Variants in NPSR1 observed in about 807,000 individuals in gnomAD.
The protein encoded by NPSR1 is neuropeptide S receptor 1.
In NPSR1, 48 loss-of-function variants were observed where a neutral mutation model predicts 46.9. That is an observed-to-expected ratio of 1.02 (90% CI 0.81 to 1.30). The LOEUF (loss-of-function observed/expected upper bound fraction) is 1.30. NPSR1 is among the 50% of genes most tolerant of loss of function. The probability of loss-of-function intolerance (pLI) is 0.00; values close to 1 mark genes in which losing one functional copy is unlikely to be tolerated. For synonymous variants in NPSR1, 176 were observed against 168.1 expected, an observed-to-expected ratio of 1.05 and a Z score of -0.36; for missense variants, 450 against 449.5, an observed-to-expected ratio of 1.00 and a Z score of -0.01.
intron 8 of NPSR1, among the ~76,000 whole-genome samples, chr7:34,869,411 C>T (rs1791397659): frequency 6.6e-6 from 1 of 151,762 alleles, no homozygotes; most frequent in East Asian, 1.9e-4. Flanking sequence ...TTTCTCCGTT[C>T]CCACACACCC....
At chr7:34,664,386 A>C (rs538699975) in intron 1 of NPSR1, among the ~76,000 whole-genome samples, 1 of 152,308 alleles carries the variant, frequency 6.6e-6, no homozygotes, top group African/African-American at 2.4e-5. Flanking sequence ...AAGAACAGCA[A>C]GCGGCCCCCA....
chr7:34,827,512 G>T lies in NPSR1; in HGVS notation c.590G>T (p.Cys197Phe), dbSNP rs34705969. ...ACACTGTCCAACGGTGAAGTGCAGTGCTGGGCCCTGTGGCCTGACGACTCC... is the reference window on the plus strand; with the variant it reads ...ACACTGTCCAACGGTGAAGTGCAGTTCTGGGCCCTGTGGCCTGACGACTCC... ...KRTLSNGEVQ[C>F]WALWPDDSYW... Residue 197 changes from cysteine to phenylalanine, a missense_variant, in exon 5 of 9, where the codon TGC (cysteine) becomes TTC (phenylalanine). Transcript: ENST00000360581. The T allele has an allele frequency of 0.026, 41,385 of 1,614,036 alleles. 631 individuals carry two copies. Among genetic ancestry groups the T allele is most frequent in the Non-Finnish European group, 0.03 (35,836 of 1,179,962 alleles).
At chr7:34,686,755 T>C (rs1792948007) in intron 2 of NPSR1, among the ~76,000 whole-genome samples, 1 of 152,132 alleles carries the variant, frequency 6.6e-6, no homozygotes, top group Admixed American at 6.5e-5. Flanking sequence ...TTATTTTCTT[T>C]AAAATCATCC....
intron 2 of NPSR1, among the ~76,000 whole-genome samples, chr7:34,762,211 G>A (rs1786210105): frequency 6.6e-6 from 1 of 152,168 alleles, no homozygotes; most frequent in African/African-American, 2.4e-5. Flanking sequence ...TGAAGAGAGT[G>A]CTCTAATGAG....
At chr7:34,861,009 CTGTT>C (rs949779304) in intron 8 of NPSR1, among the ~76,000 whole-genome samples, 6 of 151,910 alleles carry the variant, frequency 3.9e-5, no homozygotes, top group Non-Finnish European at 8.8e-5. Context: ...AGCTAAGGGA[CTGTT>C]TGTATCCATT....
chr7:34,863,059 G>T (rs1174174797), intron 8 of NPSR1, among the ~76,000 whole-genome samples: 1 of 151,682 alleles, frequency 6.6e-6, no homozygotes, highest in Non-Finnish European at 1.5e-5. Context: ...ACAGAACAGA[G>T]GCCTCAGAAA....
chr7:34,715,163 C>T (rs560636391), intron 2 of NPSR1, among the ~76,000 whole-genome samples: 4 of 152,294 alleles, frequency 2.6e-5, no homozygotes, highest in East Asian at 1.9e-4. Context: ...AGAGATATGA[C>T]GGCCTCATAA....
intron 1 of NPSR1, among the ~76,000 whole-genome samples, chr7:34,668,711 A>C (rs546740436): frequency 6.6e-6 from 1 of 152,340 alleles, no homozygotes; most frequent in African/African-American, 2.4e-5. Context: ...TGGAAGCCCC[A>C]TGTCAACAAA....
chr7:34,784,551 A>T (rs1159006305), intron 3 of NPSR1, among the ~76,000 whole-genome samples: 2 of 152,138 alleles, frequency 1.3e-5, no homozygotes, highest in Admixed American at 6.5e-5. Flanking sequence ...ATCATGGTGG[A>T]TAAGCTTTTT....
At chr7:34,772,692 G>A (rs1289201490) in intron 2 of NPSR1, among the ~76,000 whole-genome samples, 2 of 152,116 alleles carry the variant, frequency 1.3e-5, no homozygotes, top group African/African-American at 4.8e-5. Flanking sequence ...GCACCCTAGA[G>A]CATAAATAAT....
At chr7:34,812,253 C>G (rs73093081) in intron 4 of NPSR1, among the ~76,000 whole-genome samples, 1 of 152,196 alleles carries the variant, frequency 6.6e-6, no homozygotes, top group Non-Finnish European at 1.5e-5. Context: ...TTTCCAGAAA[C>G]AAACACCTTG....
chr7:34,782,946 A>T (rs993572591), intron 3 of NPSR1, among the ~76,000 whole-genome samples: 3 of 152,180 alleles, frequency 2.0e-5, no homozygotes, highest in Admixed American at 6.5e-5. Context: ...ATTATTTTTT[A>T]ATTAAATAGA....
chr7:34,851,561 C>T (rs1790935675), downstream of NPSR1, among the ~76,000 whole-genome samples: 1 of 152,100 alleles, frequency 6.6e-6, no homozygotes, highest in African/African-American at 2.4e-5. Context: ...CACTTTAAAT[C>T]AAGATGTGCC....
chr7:34,805,855 A>G (rs1321673427), intron 3 of NPSR1, among the ~76,000 whole-genome samples: 1 of 152,042 alleles, frequency 6.6e-6, no homozygotes, highest in African/African-American at 2.4e-5. Flanking sequence ...AAAACAACTC[A>G]TTTCAAAAAC....
At chr7:34,690,074 A>T (rs891265005) in intron 2 of NPSR1, among the ~76,000 whole-genome samples, 7 of 152,140 alleles carry the variant, frequency 4.6e-5, no homozygotes, top group Admixed American at 4.6e-4. Flanking sequence ...GAGCCTCCTC[A>T]CATACCCAGT....
At chr7:34,854,134 T>C (rs1052740377), downstream of NPSR1, among the ~76,000 whole-genome samples, 16 of 152,120 alleles carry the variant, frequency 1.1e-4, no homozygotes, top group Non-Finnish European at 1.3e-4. Context: ...AATTTCAGGG[T>C]CATCACTAAA....
chr7:34,714,265 T>C (rs1783444421), intron 2 of NPSR1, among the ~76,000 whole-genome samples: 1 of 152,232 alleles, frequency 6.6e-6, no homozygotes, highest in Admixed American at 6.5e-5. Flanking sequence ...TTATGAAATG[T>C]CCATTCTGCC....
At chr7:34,868,313 C>A (rs1055924351) in intron 8 of NPSR1, among the ~76,000 whole-genome samples, 1 of 151,656 alleles carries the variant, frequency 6.6e-6, no homozygotes, top group Admixed American at 6.6e-5. Flanking sequence ...CTGCACCACA[C>A]AACACTCTGT....
At chr7:34,725,598 G>A (rs1430201257) in intron 2 of NPSR1, among the ~76,000 whole-genome samples, 16 of 152,318 alleles carry the variant, frequency 1.1e-4, no homozygotes, top group African/African-American at 3.8e-4. Context: ...AGAACATAGT[G>A]AGGTCCCCAG....
Sources: gnomAD v4.1 joint callset for allele counts (sites outside exome capture counted in the v4.1 genomes callset) on GRCh38, gnomAD v4.1.1 for gene constraint, MANE v1.5 for transcripts, NCBI Gene and HGNC (gene_info 2026-07-23, HGNC 2026-07-21) for gene names.